SEPTIN14: variants seen among roughly 807,000 people sequenced by gnomAD.
SEPTIN14 encodes septin-14.
A neutral mutation model predicts 53.6 loss-of-function variants in SEPTIN14; 40 were observed. The ratio of observed to expected loss-of-function variants is 0.75; its 90% CI spans 0.58 to 0.97. The LOEUF (loss-of-function observed/expected upper bound fraction) is 0.97. SEPTIN14 is among the 50% of genes least tolerant of loss of function. SEPTIN14 has a pLI of 0.00. For missense variants in SEPTIN14, 471 were observed against 508.2 expected, an observed-to-expected ratio of 0.93 and a Z score of 0.70; for synonymous variants, 138 against 166.8, an observed-to-expected ratio of 0.83 and a Z score of 1.33.
At chr7:55,855,417 T>C (rs1361665064) in intron 2 of SEPTIN14, among the ~76,000 whole-genome samples, 1 of 152,124 alleles carries the variant, frequency 6.6e-6, no homozygotes, top group East Asian at 1.9e-4. Flanking sequence ...GATGGGAGCA[T>C]CAACTTTTCT....
intron 5 of SEPTIN14, among the ~76,000 whole-genome samples, chr7:55,835,624 C>G (rs555981557): frequency 1.6e-4 from 25 of 152,282 alleles, no homozygotes; most frequent in Admixed American, 1.6e-3. Context: ...CTTTTTCCAT[C>G]AATCAATCTT....
chr7:55,860,504 GTATATT>G (rs1252136243), intron 2 of SEPTIN14, among the ~76,000 whole-genome samples: 1 of 152,024 alleles, frequency 6.6e-6, no homozygotes, highest in Non-Finnish European at 1.5e-5. Context: ...ACAATGTATT[GTATATT>G]TCAAAATAGC....
rs1392474436 is a variant in SEPTIN14 at position 55,821,271 on chromosome 7, G to A, written c.721-2048C>T. On this transcript the variant is annotated intron_variant, in intron 6 of 9. Transcript: ENST00000388975. ...GGTTCATGAGGCAGTGGCTCATTGT[G>A]TGGGGAAGTAATCCAAAGAACCTCA... Among the ~76,000 whole-genome samples, 4 of 152,274 alleles carry A rather than the reference G, an allele frequency of 2.6e-5. No individual in the cohort carries two copies. In the South Asian group the frequency reaches 6.2e-4, roughly 24 times the overall value.
At chr7:55,807,456 T>C (rs866535122) in intron 7 of SEPTIN14, among the ~76,000 whole-genome samples, 198 bp from the exon 8 acceptor site, 1 of 152,216 alleles carries the variant, frequency 6.6e-6, no homozygotes, top group Non-Finnish European at 1.5e-5. Context: ...AGATTATTTA[T>C]AGGTTAGCAA....
At chr7:55,811,998 T>C (rs1166645829) in intron 7 of SEPTIN14, among the ~76,000 whole-genome samples, 1 of 152,090 alleles carries the variant, frequency 6.6e-6, no homozygotes, top group African/African-American at 2.4e-5. Context: ...TTTTGCCATG[T>C]GGGCCACGCT....
intron 9 of SEPTIN14, among the ~76,000 whole-genome samples, chr7:55,800,496 T>A (rs1300479019): frequency 6.6e-6 from 1 of 152,014 alleles, no homozygotes; most frequent in African/African-American, 2.4e-5. Flanking sequence ...TGGTGGCACA[T>A]GCCTGTAATC....
intron 9 of SEPTIN14, among the ~76,000 whole-genome samples, chr7:55,804,883 T>C (rs1164753247): frequency 6.6e-6 from 1 of 152,178 alleles, no homozygotes; most frequent in South Asian, 2.1e-4. Flanking sequence ...TTAGTCAACA[T>C]TTGCTTTTTA....
intron 6 of SEPTIN14, among the ~76,000 whole-genome samples, chr7:55,822,184 T>A (rs1788907150): frequency 6.6e-6 from 1 of 152,150 alleles, no homozygotes; most frequent in South Asian, 2.1e-4. Context: ...CCAAACCATA[T>A]AACCACCATA....
rs1247182962 is a variant in SEPTIN14 at position 55,833,320 on chromosome 7, A to T, written c.720+1105T>A. On this transcript the variant is annotated intron_variant, in intron 6 of 9. Transcript: ENST00000388975. Reference sequence around the variant, plus strand: ...ACAGAGAGAGACTCCGTCTCAAAAAAAAAAGATCTCAAATAAACAACCTAA... The same window carrying T: ...ACAGAGAGAGACTCCGTCTCAAAAATAAAAGATCTCAAATAAACAACCTAA... Among the ~76,000 whole-genome samples the T allele has an allele frequency of 1.3e-5, 2 of 151,922 alleles. 1 individual carries two copies. Among genetic ancestry groups the T allele is most frequent in the African/African-American group, 4.8e-5 (2 of 41,360 alleles).
At chr7:55,803,796 T>G (rs1217123766) in intron 9 of SEPTIN14, among the ~76,000 whole-genome samples, 1 of 151,964 alleles carries the variant, frequency 6.6e-6, no homozygotes, top group Non-Finnish European at 1.5e-5. Context: ...TTTAAATGGT[T>G]GCTTCGGTTT....
rs187268092 is a variant in SEPTIN14, at chr7:55,856,733, C to T, written c.54+5210G>A. Among the ~76,000 whole-genome samples the T allele has an allele frequency of 3.8e-3, 574 of 152,196 alleles. 2 individuals carry two copies. Among genetic ancestry groups the T allele is most frequent in the Non-Finnish European group, 6.2e-3 (420 of 67,998 alleles). On this transcript the variant is annotated intron_variant, in intron 2 of 9. Transcript: ENST00000388975. Reference sequence around the variant, plus strand: ...TAATCCAATCTGCCACTGATGGACACCTAGGTTGATTCCATGTCTCAGCTA... The same window carrying T: ...TAATCCAATCTGCCACTGATGGACATCTAGGTTGATTCCATGTCTCAGCTA...
intron 6 of SEPTIN14, among the ~76,000 whole-genome samples, chr7:55,831,273 G>GA (rs969087536): frequency 2.0e-5 from 3 of 151,954 alleles, no homozygotes; most frequent in Admixed American, 6.6e-5. Context: ...TAAAAAGGGA[G>GA]AAAAAAATTG....
At chr7:55,831,686 C>CA (rs1457800207) in intron 6 of SEPTIN14, among the ~76,000 whole-genome samples, 4 of 151,844 alleles carry the variant, frequency 2.6e-5, no homozygotes, top group Non-Finnish European at 5.9e-5. Context: ...ACAACCTACA[C>CA]AATAAGAACA....
chr7:55,807,097 G>C lies in SEPTIN14; in HGVS notation c.979C>G (p.Pro327Ala). 1 of 1,587,044 alleles carries C rather than the reference G, an allele frequency of 6.3e-7. No homozygotes were observed. The highest frequency in any genetic ancestry group is 2.3e-5 in the East Asian group (1 of 43,692). ...GFTDVGPNNQ[P>A]VSFQEIFEAK... ...AGCAATATTTTTACTCACCTAACTGGCTGGTTGTTTGGACCCACATCTGTA... is the reference window on the plus strand; with the variant it reads ...AGCAATATTTTTACTCACCTAACTGCCTGGTTGTTTGGACCCACATCTGTA... Residue 327 changes from proline to alanine, a missense_variant, in exon 8 of 10, where the codon CCA becomes GCA. Physicochemically the swap from Pro to Ala is conservative, Grantham distance 27. Transcript: ENST00000388975.
At position 55,806,202 on chromosome 7, in the gene SEPTIN14, T is replaced by C. The variant is rs1305201179; in HGVS notation, c.987-812A>G. 2.6e-5 allele frequency among the ~76,000 whole-genome samples: 4 copies of C among 152,178 alleles called. No individual in the cohort carries two copies. In the East Asian group the frequency reaches 7.8e-4, roughly 30 times the overall value. ...TTTTAGTAGGGACGGAGCTTTACCA[T>C]GTTGGCCAGGCTGATCTTAAACTCC... On this transcript the variant is annotated intron_variant, in intron 8 of 9. Transcript: ENST00000388975.
chr7:55,830,341 A>ATTTTTTTTTT (rs1789082534), intron 6 of SEPTIN14, among the ~76,000 whole-genome samples: 2 of 32,276 alleles, frequency 6.2e-5, no homozygotes, highest in African/African-American at 4.4e-4. Flanking sequence ...ATATATATAT[A>ATTTTTTTTTT]TATATATATT....
chr7:55,797,304 G>A (rs2115943155), intron 9 of SEPTIN14, among the ~76,000 whole-genome samples: 1 of 152,276 alleles, frequency 6.6e-6, no homozygotes, highest in East Asian at 1.9e-4. Context: ...AATCCATGAA[G>A]CTTAAAGATT....
chr7:55,794,288 C>T lies in SEPTIN14; in HGVS notation c.*1625G>A, dbSNP rs1456759479. 1 of 152,042 alleles carries T rather than the reference C, an allele frequency of 6.6e-6. No individual in the cohort carries two copies. The highest frequency in any genetic ancestry group is 2.4e-5 in the African/African-American group (1 of 41,382). 9.4% of individuals were successfully genotyped at this position (152,042 alleles called of 1,614,324 possible). A position where few individuals can be genotyped will look rare whatever the true frequency, so the allele number is the denominator to read the frequency against. On this transcript the variant is annotated 3_prime_UTR_variant, in exon 10 of 10. Coordinates refer to ENST00000388975, the MANE Select transcript of SEPTIN14 (RefSeq NM_207366.3). Reference sequence around the variant, plus strand: ...GTGATTTCAGTTTCAGTTTTAATAACATTGGATTAAGATGAAAGAATGAGA... The same window carrying T: ...GTGATTTCAGTTTCAGTTTTAATAATATTGGATTAAGATGAAAGAATGAGA...
chr7:55,802,460 G>T (rs991787664), intron 9 of SEPTIN14, among the ~76,000 whole-genome samples: 10 of 152,046 alleles, frequency 6.6e-5, no homozygotes, highest in Non-Finnish European at 1.5e-4. Context: ...GAATTAGATC[G>T]CACATTAAAT....
Sources: gnomAD v4.1 joint callset for allele counts (sites outside exome capture counted in the v4.1 genomes callset) on GRCh38, gnomAD v4.1.1 for gene constraint, MANE v1.5 for transcripts, NCBI Gene and HGNC (gene_info 2026-07-23, HGNC 2026-07-21) for gene names.